The following WDR35 variants were observed in gnomAD, a reference collection of about 807,000 sequenced individuals.
WDR35 encodes the protein WD repeat domain 35.
In WDR35, 118 loss-of-function variants were observed where a neutral mutation model predicts 158.3. The observed-to-expected ratio is 0.75, with a 90% CI of 0.64 to 0.87. The LOEUF is 0.87. Among genes scored for constraint, WDR35 ranks in the 40% least tolerant of loss-of-function variants. WDR35 has a pLI of 0.00. For synonymous variants in WDR35, 448 were observed against 476.1 expected (o/e 0.94, Z 0.77); for missense variants, 1,263 against 1,405.8 (o/e 0.90, Z 1.62).
Position 19,946,722 on chromosome 2 carries a change from C to A in WDR35, c.1525-152G>T, listed in dbSNP as rs1004172835. The A allele has an allele frequency of 8.7e-6, 6 of 688,364 alleles. No homozygotes were observed. In the African/African-American group the frequency reaches 1.1e-4, roughly 12 times the overall value. The allele number at this position is 688,364 out of a possible 1,614,324, so 42.6% of individuals were successfully genotyped here. On this transcript the variant is annotated intron_variant, in intron 14 of 26. Coordinates refer to ENST00000281405, the MANE Select transcript of WDR35 (RefSeq NM_020779.4). ...TGATAATGAATCATGTCCTTAAGTA[C>A]ATATTTACCTACTAATTTAATTAAA...
In WDR35 at chr2:19,955,866, CA is replaced by C. The variant is rs201809522; in HGVS notation, c.1256-1889del. On this transcript the variant is annotated intron_variant, in intron 11 of 26. Coordinates refer to ENST00000281405, the MANE Select transcript of WDR35 (RefSeq NM_020779.4). ...GGGTTAACAACTCAGGGATTAAATT[CA>C]ATAATTTTTATATGCTAAATAACTC... Among the ~76,000 whole-genome samples, 1,068 of 152,054 alleles carry C rather than the reference CA, an allele frequency of 7.0e-3. 9 individuals are homozygous for C. Among genetic ancestry groups the C allele is most frequent in the Admixed American group, 0.011 (168 of 15,290 alleles).
At chr2:19,975,291 C>CA (rs1455180372) in intron 6 of WDR35, among the ~76,000 whole-genome samples, 5 of 151,816 alleles carry the variant, frequency 3.3e-5, no homozygotes, top group East Asian at 3.9e-4. Context: ...TTCTACCTAC[C>CA]AAAAAAAATT....
At chr2:19,940,495 A>C (rs1670837528) in intron 17 of WDR35, among the ~76,000 whole-genome samples, 1 of 152,260 alleles carries the variant, frequency 6.6e-6, no homozygotes, top group Non-Finnish European at 1.5e-5. Flanking sequence ...ACCTTAAACA[A>C]GGACAAGAAA....
At chr2:19,976,786 A>G (rs974324496) in intron 5 of WDR35, among the ~76,000 whole-genome samples, 2 of 148,812 alleles carry the variant, frequency 1.3e-5, no homozygotes, top group East Asian at 2.0e-4. Flanking sequence ...ATATTTCTCG[A>G]CATCCTTCTT....
Position 19,913,658 on chromosome 2 carries a change from T to A in WDR35, c.3413A>T (p.Glu1138Val). 1 of 1,614,124 alleles carries A rather than the reference T, an allele frequency of 6.2e-7. No individual in the cohort carries two copies. The highest frequency in any genetic ancestry group is 1.1e-5 in the South Asian group (1 of 91,082). ...TCVATGSPIT[E>V]YQFWMCSVCK... Reference sequence around the variant, plus strand: ...TACACTGCACATCCAGAATTGATACTCAGTGATTGGGCTTCCTGTGGCAAC... The same window carrying A: ...TACACTGCACATCCAGAATTGATACACAGTGATTGGGCTTCCTGTGGCAAC... Residue 1138 changes from glutamate (E) to valine (V), a missense_variant, in exon 27 of 27, where the codon GAG becomes GTG. Physicochemically the swap from Glu to Val is moderately radical, Grantham distance 121. Coordinates refer to ENST00000281405, the MANE Select transcript of WDR35 (RefSeq NM_020779.4).
At chr2:19,923,500 G>C (rs1166801981) in intron 25 of WDR35, among the ~76,000 whole-genome samples, 1 of 152,200 alleles carries the variant, frequency 6.6e-6, no homozygotes, top group Non-Finnish European at 1.5e-5. Flanking sequence ...AGTAACAGAA[G>C]AGATTACAGA....
At chr2:19,951,509 A>G (rs781363699) in intron 12 of WDR35, 25 bp from the exon 13 acceptor site, 2 of 1,565,124 alleles carry the variant, frequency 1.3e-6, no homozygotes, top group South Asian at 2.3e-5. Context: ...AGAATTTCAA[A>G]GAAAGTTTAA....
At chr2:19,938,647 C>T (rs1157769524) in intron 17 of WDR35, among the ~76,000 whole-genome samples, 1 of 152,124 alleles carries the variant, frequency 6.6e-6, no homozygotes, top group Non-Finnish European at 1.5e-5. Context: ...AGGAAAATGG[C>T]AGAAGGGGTC....
intron 16 of WDR35, among the ~76,000 whole-genome samples, 164 bp downstream of exon 16, chr2:19,945,622 A>T (rs1164259406): frequency 6.6e-6 from 1 of 152,130 alleles, no homozygotes; most frequent in Non-Finnish European, 1.5e-5. Context: ...AAGACCAAAT[A>T]TTTTTAAAAT....
chr2:19,922,101 A>G (rs1670185559), intron 25 of WDR35, among the ~76,000 whole-genome samples: 1 of 152,250 alleles, frequency 6.6e-6, no homozygotes, highest in African/African-American at 2.4e-5. Flanking sequence ...AGAAATAGGA[A>G]TGCTTTTACA....
chr2:19,982,026 C>G (rs559269061), intron 3 of WDR35, among the ~76,000 whole-genome samples: 5 of 152,312 alleles, frequency 3.3e-5, no homozygotes, highest in Middle Eastern at 3.4e-3. Flanking sequence ...CAGCTCCCAA[C>G]TTACAATGGT....
At chr2:19,959,629 C>A (rs1671569037) in intron 11 of WDR35, among the ~76,000 whole-genome samples, 1 of 151,884 alleles carries the variant, frequency 6.6e-6, no homozygotes. Flanking sequence ...GTCATTATTT[C>A]TCATATTTGC....
chr2:19,933,431 T>A lies in WDR35; in HGVS notation c.2628A>T (p.Ala876=), dbSNP rs772770866. The change falls in exon 22 of 27, where the codon GCA becomes GCT. Residue 876 remains alanine (A), a synonymous_variant. Transcript: ENST00000281405. ...TGAGATGTACGCAGGTATCTACTGC[T>A]GCCTTTGGTTGACTACATTTCAAAA... ...TAFLKCSQPK[A]AVDTCVHLNQ... The A allele has an allele frequency of 3.7e-6, 6 of 1,613,902 alleles. No individual in the cohort carries two copies. Among genetic ancestry groups the A allele is most frequent in the South Asian group, 1.1e-5 (1 of 91,094 alleles).
intron 10 of WDR35, among the ~76,000 whole-genome samples, chr2:19,964,541 G>A (rs542374719): frequency 3.2e-4 from 48 of 151,568 alleles, no homozygotes; most frequent in African/African-American, 8.0e-4. Flanking sequence ...ACGCTGCCAC[G>A]CCCGGCTAAT....
intron 25 of WDR35, among the ~76,000 whole-genome samples, chr2:19,928,961 T>A (rs1670444748): frequency 6.6e-6 from 1 of 152,090 alleles, no homozygotes; most frequent in East Asian, 1.9e-4. Context: ...CACCTGCCAC[T>A]ACACCCAGCT....
rs1332083681 is a variant in WDR35 at position 19,973,423 on chromosome 2, CAAAG to C, written c.882+136_882+139del. On this transcript the variant is annotated intron_variant, in intron 8 of 26. Coordinates refer to ENST00000281405, the MANE Select transcript of WDR35 (RefSeq NM_020779.4). ...TATAAAATTCCATGATAAAATACAA[CAAAG>C]ATTTATACTATGAAGATGAAATGTC... The C allele has an allele frequency of 2.5e-5, 21 of 835,014 alleles. No homozygotes were observed. In the African/African-American group the frequency reaches 3.7e-4, roughly 15 times the overall value. The allele number at this position is 835,014 out of a possible 1,614,324, so 51.7% of individuals were successfully genotyped here.
At position 19,912,043 on chromosome 2, in the gene WDR35, C is replaced by T. The variant is rs1431757688; in HGVS notation, c.*1515G>A. On this transcript the variant is annotated 3_prime_UTR_variant, in exon 27 of 27. Coordinates refer to ENST00000281405, the MANE Select transcript of WDR35 (RefSeq NM_020779.4). ...GGCCACTCTGGTCCTTTTTGTAACC[C>T]GACTATTAGGGGAAAGCGTATGTGA... 5.3e-5 allele frequency: 8 copies of T among 152,186 alleles called. No homozygotes were observed. The South Asian group carries it at 1.5e-3, about 28-fold the overall frequency. 9.4% of individuals were successfully genotyped at this position (152,186 alleles called of 1,614,324 possible). A position where few individuals can be genotyped will look rare whatever the true frequency, so the allele number is the denominator to read the frequency against.
chr2:19,982,591 G>T (rs1558361301), intron 2 of WDR35, 57 bp from the exon 3 acceptor site: 7 of 1,551,674 alleles, frequency 4.5e-6, no homozygotes, highest in African/African-American at 1.4e-5. Flanking sequence ...CATATTATAA[G>T]ATTTTGACTC....
chr2:19,937,944 C>T lies in WDR35; in HGVS notation c.2066G>A (p.Arg689His), dbSNP rs74470618. Residue 689 changes from arginine to histidine, a missense_variant and splice_region_variant, in exon 19 of 27, where the codon CGC (arginine) becomes CAC (histidine). Arg to His is a conservative substitution (Grantham distance 29, BLOSUM62 0). Transcript: ENST00000281405. ...IEDNPHPRLW[R>H]LLAEAALQKL... ...CTGAAGAGCTGCTTCAGCCAGTAGG[C>T]GCCTTTATTTTAAAAGAAACAAAAA... is the stretch of plus-strand genomic sequence containing the variant. 3.8e-4 allele frequency: 615 copies of T among 1,613,936 alleles called. No homozygotes were observed. In the African/African-American group the frequency reaches 5.4e-3, roughly 14 times the overall value.
Sources: allele counts gnomAD v4.1 joint callset (sites outside exome capture counted in the v4.1 genomes callset), GRCh38; gene constraint gnomAD v4.1.1; transcripts MANE v1.5; gene names NCBI Gene and HGNC (gene_info 2026-07-23, HGNC 2026-07-21).